SERPINB12: variants seen among roughly 807,000 people sequenced by gnomAD.
The protein encoded by SERPINB12 is serpin family B member 12, also known as serpin B12.
Under a neutral mutation model 41.1 loss-of-function variants are expected in SERPINB12, and 57 were observed. That is an observed-to-expected ratio of 1.39 (90% confidence interval 1.12 to 1.73). The LOEUF (loss-of-function observed/expected upper bound fraction) is 1.73. Among genes scored for constraint, SERPINB12 ranks in the 40% most tolerant of loss-of-function variants. The pLI, the probability that SERPINB12 is intolerant of heterozygous loss-of-function variation, is 0.00. For synonymous variants in SERPINB12, 180 were observed against 181.3 expected, an observed-to-expected ratio of 0.99 and a Z score of 0.06; for missense variants, 536 against 501.9, an observed-to-expected ratio of 1.07 and a Z score of -0.65.
intron 1 of SERPINB12, among the ~76,000 whole-genome samples, chr18:63,553,185 A>G (rs937845344): frequency 6.6e-6 from 1 of 152,188 alleles, no homozygotes; most frequent in African/African-American, 2.4e-5. Flanking sequence ...AGGCAGAGAG[A>G]GTTTTGGAGT....
At chr18:63,538,725 A>G (rs1280053139), upstream of SERPINB12, among the ~76,000 whole-genome samples, 1 of 152,118 alleles carries the variant, frequency 6.6e-6, no homozygotes, top group East Asian at 1.9e-4. Context: ...GAATTGCTGG[A>G]TCATATAGTA....
intron 1 of SERPINB12, among the ~76,000 whole-genome samples, chr18:63,554,201 C>G (rs1910604329): frequency 6.6e-6 from 1 of 152,114 alleles, no homozygotes; most frequent in African/African-American, 2.4e-5. Context: ...TGAGGGGCAA[C>G]TTAGAAACGA....
At chr18:63,565,314 T>C in intron 6 of SERPINB12, 131 bp from the exon 7 acceptor site, 1 of 751,958 alleles carries the variant, frequency 1.3e-6, no homozygotes, top group Non-Finnish European at 2.2e-6. Flanking sequence ...GCTGGATCCC[T>C]GGTGTGGCTC....
chr18:63,563,565 G>A lies in SERPINB12; in HGVS notation c.563-413G>A, dbSNP rs375170525. 3.9e-5 allele frequency among the ~76,000 whole-genome samples: 6 copies of A among 152,306 alleles called. No individual in the cohort carries two copies. The East Asian group carries it at 7.7e-4, about 20-fold the overall frequency. ...AATCTTCTTGGGTTAGTTCTTGAAT[G>A]AGACACTCCCTAGTCTTGGGGGTGA... On this transcript the variant is annotated intron_variant, in intron 5 of 7. Coordinates refer to ENST00000382768, the MANE Select transcript of SERPINB12 (RefSeq NM_001307928.2).
chr18:63,529,685 A>ATG, the SERPINB12 span, among the ~76,000 whole-genome samples: 749 of 150,062 alleles, frequency 5.0e-3, 3 homozygotes, highest in Non-Finnish European at 8.4e-3. Flanking sequence ...AGTGCTGTGT[A>ATG]TGTGTGTGTG....
chr18:63,533,949 A>G, the SERPINB12 span, among the ~76,000 whole-genome samples: 1 of 152,162 alleles, frequency 6.6e-6, no homozygotes, highest in East Asian at 1.9e-4. Flanking sequence ...GAATTCTTCA[A>G]GAATGTATAT....
the SERPINB12 span, among the ~76,000 whole-genome samples, chr18:63,526,754 A>G: frequency 6.6e-6 from 1 of 152,184 alleles, no homozygotes; most frequent in Non-Finnish European, 1.5e-5. Flanking sequence ...AATTCTTTCA[A>G]TGTTTACATT....
intron 3 of SERPINB12, among the ~76,000 whole-genome samples, chr18:63,559,058 C>CTTTCTTTCTTTCTTTCTT (rs778900558): frequency 8.2e-4 from 88 of 107,352 alleles, no homozygotes; most frequent in Middle Eastern, 9.6e-3. Flanking sequence ...TTCTTTCTTT[C>CTTTCTTTCTTTCTTTCTT]TCTCCTTCTT....
At chr18:63,525,087 C>T in the SERPINB12 span, among the ~76,000 whole-genome samples, 2 of 152,076 alleles carry the variant, frequency 1.3e-5, no homozygotes, top group African/African-American at 4.8e-5. Flanking sequence ...TTTTAACCTT[C>T]GTTACCAAAA....
At chr18:63,554,335 AAC>A (rs1184574273) in intron 1 of SERPINB12, among the ~76,000 whole-genome samples, 2 of 152,276 alleles carry the variant, frequency 1.3e-5, no homozygotes, top group African/African-American at 2.4e-5. Flanking sequence ...GATTAAAGCT[AAC>A]ACATGTAAGA....
At position 63,566,552 on chromosome 18, in the gene SERPINB12, G is replaced by T. The variant is rs537991372; in HGVS notation, c.874-55G>T. 32 of 1,491,892 alleles carry T rather than the reference G, an allele frequency of 2.1e-5. No homozygotes were observed. In the South Asian group the frequency reaches 3.4e-4, roughly 16 times the overall value. 92.4% of individuals were successfully genotyped at this position (1,491,892 alleles called of 1,614,324 possible). A position where few individuals can be genotyped will look rare whatever the true frequency, so the allele number is the denominator to read the frequency against. ...ACTCAGGCACCTTGAAGTAATTGGG[G>T]CATTCTTTGTGGTCCCATAATCTGA... On this transcript the variant is annotated intron_variant, in intron 7 of 7. Transcript: ENST00000382768.
Position 63,567,091 on chromosome 18 carries a change from G to T in SERPINB12, c.*80G>T. The T allele has an allele frequency of 5.0e-6, 7 of 1,395,604 alleles. No individual in the cohort carries two copies. Among genetic ancestry groups the T allele is most frequent in the Non-Finnish European group, 6.8e-6 (7 of 1,033,640 alleles). 86.5% of individuals were successfully genotyped at this position (1,395,604 alleles called of 1,614,324 possible). ...CCCCTGGCATAAGATGGGCATTTGA[G>T]TTTTTGGTAATATCTAAAGCATCTC... On this transcript the variant is annotated 3_prime_UTR_variant, in exon 8 of 8. Coordinates refer to ENST00000382768, the MANE Select transcript of SERPINB12 (RefSeq NM_001307928.2).
At chr18:63,555,195 C>T (rs1414688827) in intron 1 of SERPINB12, among the ~76,000 whole-genome samples, 1 of 152,136 alleles carries the variant, frequency 6.6e-6, no homozygotes, top group African/African-American at 2.4e-5. Flanking sequence ...GTCTCTTGAA[C>T]AATATGAATG....
chr18:63,553,901 G>A (rs1351288554), intron 1 of SERPINB12, among the ~76,000 whole-genome samples: 3 of 152,080 alleles, frequency 2.0e-5, no homozygotes, highest in Non-Finnish European at 4.4e-5. Context: ...TTTCTGAGTT[G>A]TGAGGCATTA....
chr18:63,542,011 C>T (rs1425778285), upstream of SERPINB12, among the ~76,000 whole-genome samples: 6 of 152,042 alleles, frequency 3.9e-5, no homozygotes, highest in Admixed American at 2.0e-4. Flanking sequence ...TTGGGATAGG[C>T]GATGAAAAAT....
intron 1 of SERPINB12, among the ~76,000 whole-genome samples, chr18:63,550,599 T>C (rs1197932179): frequency 3.3e-5 from 5 of 152,168 alleles, no homozygotes; most frequent in African/African-American, 1.2e-4. Flanking sequence ...TAACCAACAC[T>C]CCAACCAAAA....
the SERPINB12 span, among the ~76,000 whole-genome samples, chr18:63,534,223 C>T: frequency 1.1e-4 from 17 of 152,094 alleles, no homozygotes; most frequent in African/African-American, 3.9e-4. Flanking sequence ...AAAGAACACA[C>T]TCATCAAAAG....
intron 1 of SERPINB12, among the ~76,000 whole-genome samples, chr18:63,546,460 C>T (rs969272310): frequency 3.9e-5 from 6 of 152,182 alleles, no homozygotes; most frequent in Admixed American, 2.0e-4. Context: ...ATTCTCATCC[C>T]TACCACACAC....
chr18:63,559,056 T>C (rs1305564092), intron 3 of SERPINB12, among the ~76,000 whole-genome samples: 1 of 87,092 alleles, frequency 1.1e-5, no homozygotes, highest in African/African-American at 3.1e-5. Flanking sequence ...CTTTCTTTCT[T>C]TCTCTCCTTC....
Sources: gnomAD v4.1 joint callset for allele counts (sites outside exome capture counted in the v4.1 genomes callset) on GRCh38, gnomAD v4.1.1 for gene constraint, MANE v1.5 for transcripts, NCBI Gene and HGNC (gene_info 2026-07-23, HGNC 2026-07-21) for gene names.